Variants in KIAA1217 observed in about 807,000 individuals in gnomAD.
KIAA1217 encodes the protein KIAA1217, also known as sickle tail protein homolog.
Under a neutral mutation model 163.9 loss-of-function variants are expected in KIAA1217, and 88 were observed. That is an observed-to-expected ratio of 0.54 (90% CI 0.45 to 0.64). The LOEUF (loss-of-function observed/expected upper bound fraction) is 0.64, where lower values mean the gene tolerates loss of function less well. Among genes scored for constraint, KIAA1217 ranks in the 30% least tolerant of loss-of-function variants. The pLI, the probability that KIAA1217 is intolerant of heterozygous loss-of-function variation, is 0.00. For synonymous variants in KIAA1217, 903 were observed against 923.1 expected (o/e 0.98, Z 0.39); for missense variants, 2,372 against 2,475.0 (o/e 0.96, Z 0.88).
chr10:24,362,196 C>T (rs1028808350), intron 2 of KIAA1217, among the ~76,000 whole-genome samples: 2 of 152,052 alleles, frequency 1.3e-5, no homozygotes, highest in African/African-American at 2.4e-5. Context: ...TCACTTCATC[C>T]TCCCAGCAAC....
rs576879571 is a variant in KIAA1217 at position 24,093,756 on chromosome 10, C to T, written c.-171+86382C>T. ...TGCTGGTGTGCTGCACCCATTAACT[C>T]GTCATTTAGCATTAGGTATATCTCC... On this transcript the variant is annotated intron_variant, in intron 2 of 18. Transcript: ENST00000376462. Among the ~76,000 whole-genome samples the T allele has an allele frequency of 2.2e-4, 33 of 149,466 alleles. 1 individual carries two copies. Among genetic ancestry groups the T allele is most frequent in the African/African-American group, 4.5e-4 (18 of 40,134 alleles).
intron 3 of KIAA1217, among the ~76,000 whole-genome samples, chr10:24,432,536 G>A (rs1185237876): frequency 6.6e-6 from 1 of 151,710 alleles, no homozygotes; most frequent in African/African-American, 2.4e-5. Context: ...GCTCACTGCA[G>A]CCTGCAACTC....
At chr10:24,261,304 C>G (rs1443608431) in intron 2 of KIAA1217, among the ~76,000 whole-genome samples, 1 of 151,950 alleles carries the variant, frequency 6.6e-6, no homozygotes, top group Non-Finnish European at 1.5e-5. Flanking sequence ...TTGAGACCAG[C>G]CTGGCCAACA....
chr10:24,160,006 A>T (rs1204732010), intron 2 of KIAA1217, among the ~76,000 whole-genome samples: 1 of 152,142 alleles, frequency 6.6e-6, no homozygotes, highest in Non-Finnish European at 1.5e-5. Flanking sequence ...GTCAAAAATC[A>T]GTTGTCTATG....
chr10:23,979,033 G>C (rs751655262), intron 1 of KIAA1217, among the ~76,000 whole-genome samples: 3 of 152,136 alleles, frequency 2.0e-5, no homozygotes, highest in Non-Finnish European at 4.4e-5. Flanking sequence ...GTTCCCATGA[G>C]CCTTACCTGG....
At chr10:24,154,736 C>T (rs1339912779) in intron 2 of KIAA1217, among the ~76,000 whole-genome samples, 1 of 151,998 alleles carries the variant, frequency 6.6e-6, no homozygotes, top group East Asian at 1.9e-4. Context: ...ATTAGCTGGG[C>T]ATGATTGTGT....
rs1397501116 is a variant in KIAA1217 at position 24,544,023 on chromosome 10, C to G, written c.4753C>G (p.Leu1585Val). The G allele has an allele frequency of 1.2e-5, 19 of 1,614,048 alleles. No individual in the cohort carries two copies. The highest frequency in any genetic ancestry group is 1.5e-5 in the Non-Finnish European group (18 of 1,180,044). ...ATTCCCTAAGAAGCAACTCGCCGCT[C>G]TCACTCAAGCCATTCGCACCGGAAC... ...FKFPKKQLAA[L>V]TQAIRTGTKT... The change falls in exon 19 of 21, where the codon CTC becomes GTC. Residue 1585 changes from leucine to valine, a missense_variant. Physicochemically the swap from Leu to Val is conservative, Grantham distance 32 (BLOSUM62 1). Around this residue, in one of 3 missense-constraint regions of KIAA1217, gnomAD observed 690 missense variants for 677.5 expected, o/e 1.02. Transcript: ENST00000376454.
chr10:24,093,898 G>C (rs1401283578), intron 2 of KIAA1217, among the ~76,000 whole-genome samples: 1 of 148,918 alleles, frequency 6.7e-6, no homozygotes, highest in African/African-American at 2.5e-5. Flanking sequence ...AGAATATGCG[G>C]TGTTTGGTTT....
chr10:24,439,162 T>C (rs2060288727), intron 5 of KIAA1217, among the ~76,000 whole-genome samples: 1 of 152,154 alleles, frequency 6.6e-6, no homozygotes, highest in African/African-American at 2.4e-5. Flanking sequence ...TTTAAGATCA[T>C]ATTAATGCAG....
At chr10:24,395,504 G>A (rs934255309) in intron 3 of KIAA1217, among the ~76,000 whole-genome samples, 2 of 152,110 alleles carry the variant, frequency 1.3e-5, no homozygotes, top group Non-Finnish European at 2.9e-5. Context: ...TGGTGTGGAC[G>A]AGGCAAAGGA....
chr10:24,272,166 A>T (rs16924460), intron 2 of KIAA1217, among the ~76,000 whole-genome samples: 1 of 152,082 alleles, frequency 6.6e-6, no homozygotes, highest in East Asian at 1.9e-4. Flanking sequence ...AACAGATAGC[A>T]ATGTGTTTAT....
At chr10:23,964,232 G>A in intron 1 of KIAA1217, among the ~76,000 whole-genome samples, 1 of 151,258 alleles carries the variant, frequency 6.6e-6, no homozygotes, top group Admixed American at 6.6e-5. Flanking sequence ...TTTGTTGGCT[G>A]CATAAATGTC....
intron 2 of KIAA1217, among the ~76,000 whole-genome samples, chr10:24,100,698 T>C (rs183613380): frequency 1.4e-4 from 21 of 152,332 alleles, no homozygotes; most frequent in Admixed American, 1.1e-3. Context: ...TTCAAACTAT[T>C]TTGCAAGGAA....
intron 1 of KIAA1217, among the ~76,000 whole-genome samples, chr10:23,774,280 G>A (rs1287922961): frequency 9.2e-5 from 14 of 152,200 alleles, no homozygotes; most frequent in Non-Finnish European, 1.5e-5. Flanking sequence ...GAGGTGAAAG[G>A]ACTGGCGAAA....
chr10:23,952,249 G>T (rs58537034), intron 1 of KIAA1217, among the ~76,000 whole-genome samples: 29,178 of 152,120 alleles, frequency 0.19, 3,134 homozygotes, highest in Middle Eastern at 0.27. Flanking sequence ...CATTTATCCT[G>T]GCCCACAGAA....
chr10:24,151,096 A>G lies in KIAA1217; in HGVS notation c.-170-68530A>G, dbSNP rs77674802. 6.6e-3 allele frequency among the ~76,000 whole-genome samples: 1,009 copies of G among 152,120 alleles called. 10 individuals are homozygous for G. The highest frequency in any genetic ancestry group is 0.023 in the African/African-American group (951 of 41,510). On this transcript the variant is annotated intron_variant, in intron 2 of 18. Transcript: ENST00000376462. ...CAGGTGTGCTAGGAGCTGAGCAGGG[A>G]AGGATAGTAGAGTCAGGGGCAGGAG...
chr10:24,016,383 G>T (rs548580330), intron 2 of KIAA1217, among the ~76,000 whole-genome samples: 1 of 152,058 alleles, frequency 6.6e-6, no homozygotes, highest in Non-Finnish European at 1.5e-5. Flanking sequence ...ATCAACCAGC[G>T]ATTGGGCAGA....
chr10:24,102,280 A>G lies in KIAA1217; in HGVS notation c.-171+94906A>G, dbSNP rs183106250. 5.3e-5 allele frequency among the ~76,000 whole-genome samples: 8 copies of G among 152,312 alleles called. No individual in the cohort carries two copies. In the East Asian group the frequency reaches 9.6e-4, roughly 18 times the overall value. On this transcript the variant is annotated intron_variant, in intron 2 of 18. Coordinates refer to the KIAA1217 transcript ENST00000376462. ...AATTGAGACTTGAAATTAAAAACAC[A>G]ATGTCATTTACATTAGCACCAAAAA...
chr10:24,489,860 CAAAAAAAAA>C (rs11393718), intron 6 of KIAA1217, among the ~76,000 whole-genome samples: 4 of 64,924 alleles, frequency 6.2e-5, no homozygotes, highest in Admixed American at 4.3e-4. Context: ...GAGAACCTGT[CAAAAAAAAA>C]AAAAAAAAAA....
Sources: allele counts gnomAD v4.1 joint callset (sites outside exome capture counted in the v4.1 genomes callset), GRCh38; gene constraint gnomAD v4.1.1; regional missense constraint gnomAD v4.1.1; transcripts MANE v1.5; gene names NCBI Gene and HGNC (gene_info 2026-07-23, HGNC 2026-07-21).